Variants in GPC6 observed in about 807,000 individuals in gnomAD.
GPC6 encodes the protein glypican-6.
Under a neutral mutation model 55.2 loss-of-function variants are expected in GPC6, and 14 were observed. The observed-to-expected ratio is 0.25, with a 90% CI of 0.17 to 0.40. The LOEUF (loss-of-function observed/expected upper bound fraction) is 0.40. GPC6 is among the 10% of genes least tolerant of loss of function. GPC6 has a pLI of 1.00. For missense variants in GPC6, 641 were observed against 708.5 expected, an observed-to-expected ratio of 0.90 and a Z score of 1.08; for synonymous variants, 278 against 259.6, an observed-to-expected ratio of 1.07 and a Z score of -0.68.
At chr13:94,168,856 G>A (rs1431566275) in intron 4 of GPC6, among the ~76,000 whole-genome samples, 3 of 151,878 alleles carry the variant, frequency 2.0e-5, no homozygotes, top group African/African-American at 7.3e-5. Context: ...ACTTTCGTGG[G>A]CCCTGGGTGC....
intron 2 of GPC6, among the ~76,000 whole-genome samples, chr13:93,593,427 C>G (rs1010317392): frequency 6.6e-6 from 1 of 152,016 alleles, no homozygotes; most frequent in Non-Finnish European, 1.5e-5. Flanking sequence ...TACTTTATTT[C>G]CTGCAAAACT....
At position 94,019,810 on chromosome 13, in the gene GPC6, C is replaced by T. The variant is rs551497512; in HGVS notation, c.712-7919C>T. Among the ~76,000 whole-genome samples the T allele has an allele frequency of 1.7e-4, 26 of 152,310 alleles. No homozygotes were observed. In the South Asian group the frequency reaches 3.9e-3, roughly 23 times the overall value. On this transcript the variant is annotated intron_variant, in intron 3 of 8. Coordinates refer to ENST00000377047, the MANE Select transcript of GPC6 (RefSeq NM_005708.5). Reference sequence around the variant, plus strand: ...CTATTTAATCCACCACAGCGTACAACTGTTCATAGCATTTTTATATAATCA... The same window carrying T: ...CTATTTAATCCACCACAGCGTACAATTGTTCATAGCATTTTTATATAATCA...
chr13:93,634,415 T>C (rs1446869274), intron 2 of GPC6, among the ~76,000 whole-genome samples: 1 of 152,196 alleles, frequency 6.6e-6, no homozygotes, highest in East Asian at 1.9e-4. Context: ...GGTGCCAGGT[T>C]AGGTTTTTAC....
intron 2 of GPC6, among the ~76,000 whole-genome samples, chr13:93,643,561 A>G (rs1566465068): frequency 6.6e-6 from 1 of 152,090 alleles, no homozygotes. Context: ...CTATTTTAAG[A>G]AAGTCTGTTT....
chr13:94,368,021 C>T (rs566384809), intron 6 of GPC6, among the ~76,000 whole-genome samples: 20 of 151,594 alleles, frequency 1.3e-4, no homozygotes, highest in South Asian at 2.1e-4. Context: ...TGGTGACACA[C>T]GTCTGTAGTC....
chr13:93,703,278 T>C (rs1162687409), intron 2 of GPC6, among the ~76,000 whole-genome samples: 1 of 151,872 alleles, frequency 6.6e-6, no homozygotes. Context: ...TTGATGAAGT[T>C]CATCATTTTA....
intron 1 of GPC6, among the ~76,000 whole-genome samples, chr13:93,265,798 CTTTTTTTTCT>C (rs1337384272): frequency 2.5e-4 from 35 of 141,860 alleles, no homozygotes; most frequent in African/African-American, 3.5e-4. Flanking sequence ...TCTTTTTTTT[CTTTTTTTTCT>C]TTTTTTTTTC....
At chr13:94,024,680 G>A (rs759069727) in intron 3 of GPC6, among the ~76,000 whole-genome samples, 2 of 152,064 alleles carry the variant, frequency 1.3e-5, no homozygotes, top group Non-Finnish European at 2.9e-5. Context: ...AATTTTCTCT[G>A]TTGGTTGCTA....
intron 1 of GPC6, among the ~76,000 whole-genome samples, chr13:93,280,773 A>G (rs1188458820): frequency 6.6e-6 from 1 of 152,220 alleles, no homozygotes; most frequent in East Asian, 1.9e-4. Flanking sequence ...TTCTGTGGAC[A>G]GGGCCGGGGA....
At chr13:93,970,088 A>G (rs11839943) in intron 3 of GPC6, among the ~76,000 whole-genome samples, 4,363 of 152,254 alleles carry the variant, frequency 0.029, 241 homozygotes, top group African/African-American at 0.1. Context: ...CATGTTGCAG[A>G]ACAATTTAAA....
chr13:93,417,278 G>A (rs1299457201), intron 1 of GPC6, among the ~76,000 whole-genome samples: 2 of 152,010 alleles, frequency 1.3e-5, no homozygotes, highest in Non-Finnish European at 2.9e-5. Flanking sequence ...TAGCCTTGGA[G>A]TAATGTTAAG....
intron 3 of GPC6, among the ~76,000 whole-genome samples, chr13:94,006,977 C>T (rs1213814832): frequency 1.3e-5 from 2 of 152,222 alleles, no homozygotes; most frequent in East Asian, 3.9e-4. Context: ...TAAAAATAAA[C>T]AAAACACCTT....
chr13:94,295,611 CTG>C (rs1288910434), intron 5 of GPC6, among the ~76,000 whole-genome samples: 2 of 152,142 alleles, frequency 1.3e-5, no homozygotes, highest in African/African-American at 4.8e-5. Flanking sequence ...GTGCAGGAGA[CTG>C]TGTCAGCAAT....
At chr13:93,531,066 C>A (rs1881847039) in intron 1 of GPC6, among the ~76,000 whole-genome samples, 2 of 151,934 alleles carry the variant, frequency 1.3e-5, no homozygotes, top group African/African-American at 4.8e-5. Flanking sequence ...ATGCAAAGGT[C>A]CTAAACGTTG....
intron 1 of GPC6, among the ~76,000 whole-genome samples, chr13:93,488,684 T>C (rs1398196596): frequency 2.0e-5 from 3 of 152,220 alleles, no homozygotes; most frequent in Non-Finnish European, 4.4e-5. Context: ...AGATGGTATC[T>C]CAGTGTGGTT....
chr13:94,205,646 G>T (rs1243432415), intron 4 of GPC6, among the ~76,000 whole-genome samples: 1 of 152,182 alleles, frequency 6.6e-6, no homozygotes, highest in Admixed American at 6.5e-5. Flanking sequence ...TCCACCAGGA[G>T]TTTGTGATTG....
chr13:93,914,753 C>T (rs1397786405), intron 3 of GPC6, among the ~76,000 whole-genome samples: 2 of 152,122 alleles, frequency 1.3e-5, no homozygotes, highest in Non-Finnish European at 2.9e-5. Flanking sequence ...AATGAGTAAA[C>T]ACCCAATGCT....
chr13:93,954,948 A>G (rs757268561), intron 3 of GPC6, among the ~76,000 whole-genome samples: 85 of 152,126 alleles, frequency 5.6e-4, no homozygotes, highest in Admixed American at 1.5e-3. Flanking sequence ...AGTTGTCCCC[A>G]TAACAACCAC....
At chr13:93,403,013 TTCTC>T (rs1248484689) in intron 1 of GPC6, among the ~76,000 whole-genome samples, 1 of 152,158 alleles carries the variant, frequency 6.6e-6, no homozygotes, top group Non-Finnish European at 1.5e-5. Context: ...ATAAATCTAA[TTCTC>T]TAACCACTTA....
Sources: allele counts gnomAD v4.1 joint callset (sites outside exome capture counted in the v4.1 genomes callset), GRCh38; gene constraint gnomAD v4.1.1; transcripts MANE v1.5; gene names NCBI Gene and HGNC (gene_info 2026-07-23, HGNC 2026-07-21).